The following MALRD1 variants were observed in gnomAD, a reference collection of about 807,000 sequenced individuals.
MALRD1 encodes MAM and LDL receptor class A domain containing 1.
Under a neutral mutation model 242.1 loss-of-function variants are expected in MALRD1, and 247 were observed. The observed-to-expected ratio is 1.02, with a 90% CI of 0.92 to 1.13. The LOEUF (loss-of-function observed/expected upper bound fraction) is 1.13. Ranked by LOEUF, MALRD1 falls within the 50% of genes most tolerant of loss-of-function variation. MALRD1 has a pLI of 0.00. For synonymous variants in MALRD1, 995 were observed against 866.6 expected, an observed-to-expected ratio of 1.15 and a Z score of -2.60; for missense variants, 2,989 against 2,533.1, an observed-to-expected ratio of 1.18 and a Z score of -3.86.
At chr10:19,422,344 G>C (rs184710023) in intron 28 of MALRD1, among the ~76,000 whole-genome samples, 31 of 152,242 alleles carry the variant, frequency 2.0e-4, no homozygotes, top group African/African-American at 6.7e-4. Flanking sequence ...AAAGCTATTG[G>C]TGAGAAAATA....
chr10:19,459,420 G>A (rs1367186350), intron 29 of MALRD1, among the ~76,000 whole-genome samples: 1 of 152,076 alleles, frequency 6.6e-6, no homozygotes, highest in Admixed American at 6.5e-5. Context: ...ATTGATTTGA[G>A]ACAGGCTTCA....
At chr10:19,201,188 T>C (rs1395864193) in intron 14 of MALRD1, among the ~76,000 whole-genome samples, 1 of 152,190 alleles carries the variant, frequency 6.6e-6, no homozygotes, top group African/African-American at 2.4e-5. Flanking sequence ...TACACATATA[T>C]ATTTATATAT....
At chr10:19,568,434 C>G (rs1306217448) in intron 33 of MALRD1, among the ~76,000 whole-genome samples, 1 of 151,844 alleles carries the variant, frequency 6.6e-6, no homozygotes, top group East Asian at 1.9e-4. Context: ...AATTTTTGTT[C>G]TTCTCATAGT....
chr10:19,444,963 C>G (rs984884322), intron 28 of MALRD1, among the ~76,000 whole-genome samples: 2 of 152,192 alleles, frequency 1.3e-5, no homozygotes, highest in Non-Finnish European at 2.9e-5. Flanking sequence ...TAGATTTGGT[C>G]TTTTCACATA....
intron 33 of MALRD1, among the ~76,000 whole-genome samples, chr10:19,571,064 G>A (rs3852478): frequency 0.42 from 63,364 of 151,862 alleles, 13,580 homozygotes; most frequent in Non-Finnish European, 0.48. Context: ...TTTGAGTCTT[G>A]TGTTTTTCCA....
At chr10:19,082,325 G>C (rs7903133) in intron 2 of MALRD1, among the ~76,000 whole-genome samples, 1 of 151,382 alleles carries the variant, frequency 6.6e-6, no homozygotes, top group African/African-American at 2.4e-5. Flanking sequence ...TCTTTATGCT[G>C]TTATTGCCAC....
At chr10:19,124,256 A>G (rs1212457246) in intron 6 of MALRD1, among the ~76,000 whole-genome samples, 1 of 152,164 alleles carries the variant, frequency 6.6e-6, no homozygotes, top group Non-Finnish European at 1.5e-5. Context: ...GTGGTGACAC[A>G]TACAACAAAA....
At chr10:19,452,594 A>G (rs917575238) in intron 29 of MALRD1, among the ~76,000 whole-genome samples, 9 of 152,214 alleles carry the variant, frequency 5.9e-5, no homozygotes, top group African/African-American at 2.2e-4. Context: ...TTCAGTTAAG[A>G]TAGAAAACAT....
At chr10:19,204,674 T>C (rs928518551) in intron 16 of MALRD1, among the ~76,000 whole-genome samples, 1 of 152,226 alleles carries the variant, frequency 6.6e-6, no homozygotes, top group African/African-American at 2.4e-5. Context: ...CCTCTTGTTA[T>C]GTACTGAGCT....
intron 38 of MALRD1, among the ~76,000 whole-genome samples, chr10:19,698,542 G>A (rs72782178): frequency 6.6e-6 from 1 of 152,144 alleles, no homozygotes; most frequent in Non-Finnish European, 1.5e-5. Context: ...CTTTTGAATA[G>A]TGCGGTATCT....
At chr10:19,180,520 C>A (rs7894157) in intron 14 of MALRD1, among the ~76,000 whole-genome samples, 1 of 151,938 alleles carries the variant, frequency 6.6e-6, no homozygotes, top group Non-Finnish European at 1.5e-5. Context: ...CGTTCTCATG[C>A]GAAAGAATGA....
intron 21 of MALRD1, among the ~76,000 whole-genome samples, chr10:19,308,485 G>A (rs1842311095): frequency 1.3e-5 from 2 of 151,582 alleles, no homozygotes; most frequent in African/African-American, 4.8e-5. Flanking sequence ...TGGACAGAGT[G>A]AGGAGGATAA....
At chr10:19,306,101 G>GTAT (rs1564546829) in intron 21 of MALRD1, among the ~76,000 whole-genome samples, 2 of 109,098 alleles carry the variant, frequency 1.8e-5, no homozygotes, top group African/African-American at 7.5e-5. Flanking sequence ...CTATATACTA[G>GTAT]ATAGTATATA....
At chr10:19,145,368 G>A (rs1833692369) in intron 10 of MALRD1, among the ~76,000 whole-genome samples, 2 of 152,160 alleles carry the variant, frequency 1.3e-5, no homozygotes, top group Admixed American at 1.3e-4. Flanking sequence ...CTCAGGCTGG[G>A]CACAGTGGCT....
chr10:19,385,556 CT>C (rs1259447864), intron 26 of MALRD1, among the ~76,000 whole-genome samples: 1 of 151,920 alleles, frequency 6.6e-6, no homozygotes, highest in African/African-American at 2.4e-5. Context: ...CTCAATGATC[CT>C]TTATGTGTCT....
intron 32 of MALRD1, among the ~76,000 whole-genome samples, chr10:19,560,072 C>G (rs1219578478): frequency 6.6e-6 from 1 of 152,166 alleles, no homozygotes; most frequent in Non-Finnish European, 1.5e-5. Flanking sequence ...TTGTGGAAGA[C>G]AGTGTGGTGA....
chr10:19,193,623 G>A (rs1836092056), intron 14 of MALRD1, among the ~76,000 whole-genome samples: 1 of 152,110 alleles, frequency 6.6e-6, no homozygotes, highest in Non-Finnish European at 1.5e-5. Flanking sequence ...TAATGCAATT[G>A]CACTTGATTT....
At chr10:19,150,202 T>A (rs1833892384) in intron 11 of MALRD1, among the ~76,000 whole-genome samples, 1 of 152,240 alleles carries the variant, frequency 6.6e-6, no homozygotes, top group African/African-American at 2.4e-5. Flanking sequence ...GAGTTCTCTA[T>A]CCAATGCCTA....
At chr10:19,494,556 A>G (rs1414268570) in intron 30 of MALRD1, among the ~76,000 whole-genome samples, 2 of 152,222 alleles carry the variant, frequency 1.3e-5, no homozygotes, top group African/African-American at 2.4e-5. Context: ...GAGCTGACGG[A>G]TGAAATATCC....
Sources: allele counts gnomAD v4.1 joint callset (sites outside exome capture counted in the v4.1 genomes callset), GRCh38; gene constraint gnomAD v4.1.1; transcripts MANE v1.5; gene names NCBI Gene and HGNC (gene_info 2026-07-23, HGNC 2026-07-21).